PPIG: variants seen among roughly 807,000 people sequenced by gnomAD.
PPIG encodes the protein peptidyl-prolyl cis-trans isomerase G.
Under a neutral mutation model 87.9 loss-of-function variants are expected in PPIG, and 26 were observed. The observed-to-expected ratio is 0.30, with a 90% CI of 0.22 to 0.41. The LOEUF is 0.41. Ranked by LOEUF, PPIG falls within the 10% of genes least tolerant of loss-of-function variation. The pLI is 1.00. For synonymous variants in PPIG, 308 were observed against 276.5 expected (o/e 1.11, Z -1.13); for missense variants, 722 against 879.4 (o/e 0.82, Z 2.26).
chr2:169,629,630 G>A (rs2105517063), intron 9 of PPIG, among the ~76,000 whole-genome samples: 1 of 152,280 alleles, frequency 6.6e-6, no homozygotes, highest in South Asian at 2.1e-4. Context: ...ACTGTGTTAT[G>A]TAATGTTGAT....
chr2:169,625,443 A>G (rs1685858720), intron 9 of PPIG, among the ~76,000 whole-genome samples: 1 of 152,186 alleles, frequency 6.6e-6, no homozygotes, highest in African/African-American at 2.4e-5. Flanking sequence ...CCAGAATATA[A>G]GAGGATAAGT....
intron 7 of PPIG, among the ~76,000 whole-genome samples, chr2:169,611,256 AAG>A (rs889579769): frequency 6.6e-6 from 1 of 152,186 alleles, no homozygotes; most frequent in Non-Finnish European, 1.5e-5. Context: ...GAAAAAAAGA[AAG>A]AAAACACAGA....
intron 1 of PPIG, among the ~76,000 whole-genome samples, chr2:169,596,858 C>G (rs1000404371): frequency 6.6e-6 from 1 of 152,246 alleles, no homozygotes; most frequent in South Asian, 2.1e-4. Context: ...TGCGCCATTA[C>G]GCTCAGCTCA....
In PPIG at chr2:169,636,467, G is replaced by C. The variant is rs142265949; in HGVS notation, c.1209G>C (p.Glu403Asp). Residue 403 changes from glutamate to aspartate, a missense_variant, in exon 14 of 14, where the codon GAG becomes GAC. Glu to Asp is a conservative substitution (Grantham distance 45). Transcript: ENST00000260970. ...AGAGAAGTCCAGTTAGAGTAAAAGA[G>C]AGAAAAATAACAGATCACAGGAATG... is the stretch of plus-strand genomic sequence containing the variant. ...ENQRSPVRVK[E>D]RKITDHRNVS... 339 of 1,575,472 alleles carry C rather than the reference G, an allele frequency of 2.2e-4. No homozygotes were observed. Among genetic ancestry groups the C allele is most frequent in the Non-Finnish European group, 2.7e-4 (316 of 1,166,998 alleles).
At chr2:169,632,491 C>G (rs1210126530) in intron 11 of PPIG, among the ~76,000 whole-genome samples, 2 of 152,134 alleles carry the variant, frequency 1.3e-5, no homozygotes, top group East Asian at 3.9e-4. Flanking sequence ...CCTGTAATCC[C>G]AGCACTTTGG....
intron 4 of PPIG, 130 bp from the exon 5 acceptor site, chr2:169,605,909 A>G (rs536137594): frequency 1.5e-6 from 1 of 649,770 alleles, no homozygotes; most frequent in South Asian, 2.1e-5. Flanking sequence ...TTTAAAAAAA[A>G]ATTCCTGAAA....
chr2:169,631,972 A>T (rs1686066213), intron 11 of PPIG, 39 bp downstream of exon 11: 1 of 1,455,738 alleles, frequency 6.9e-7, no homozygotes, highest in Non-Finnish European at 9.2e-7. Context: ...ATGGTTTACC[A>T]TAGAACTTTT....
intron 7 of PPIG, among the ~76,000 whole-genome samples, chr2:169,609,798 C>T (rs1464792387): frequency 6.6e-6 from 1 of 152,084 alleles, no homozygotes; most frequent in African/African-American, 2.4e-5. Context: ...TAATGACTGA[C>T]CCAGGCAAGA....
intron 1 of PPIG, among the ~76,000 whole-genome samples, chr2:169,595,645 AGT>A (rs1684996193): frequency 6.6e-6 from 1 of 152,162 alleles, no homozygotes; most frequent in African/African-American, 2.4e-5. Flanking sequence ...CCCACAAATA[AGT>A]GAGAACATGT....
intron 1 of PPIG, among the ~76,000 whole-genome samples, chr2:169,587,732 C>A (rs1422569969): frequency 1.3e-5 from 2 of 152,190 alleles, no homozygotes; most frequent in Non-Finnish European, 2.9e-5. Flanking sequence ...GTTTGTACTT[C>A]TAGCAGCAGA....
At chr2:169,589,965 C>T (rs887339272) in intron 1 of PPIG, among the ~76,000 whole-genome samples, 21 of 151,768 alleles carry the variant, frequency 1.4e-4, no homozygotes, top group African/African-American at 1.2e-4. Flanking sequence ...CAAAATTAGC[C>T]GGGTGTGCTG....
At chr2:169,606,351 T>C (rs1217689807) in intron 5 of PPIG, among the ~76,000 whole-genome samples, 1 of 151,912 alleles carries the variant, frequency 6.6e-6, no homozygotes, top group Non-Finnish European at 1.5e-5. Flanking sequence ...CCCAGCACTT[T>C]GGGAGGCCGA....
At chr2:169,591,182 T>G (rs1474825383) in intron 1 of PPIG, among the ~76,000 whole-genome samples, 1 of 152,224 alleles carries the variant, frequency 6.6e-6, no homozygotes, top group Non-Finnish European at 1.5e-5. Flanking sequence ...TTGCCTATAT[T>G]TTTGTCCTGT....
intron 11 of PPIG, among the ~76,000 whole-genome samples, chr2:169,632,271 G>A (rs548932106): frequency 5.9e-5 from 9 of 152,270 alleles, no homozygotes; most frequent in African/African-American, 2.2e-4. Flanking sequence ...AAACTCTTAA[G>A]CAAGTAAGAA....
chr2:169,603,941 T>G (rs1417315862), intron 2 of PPIG, 85 bp from the exon 3 acceptor site: 1 of 992,340 alleles, frequency 1.0e-6, no homozygotes, highest in African/African-American at 1.6e-5. Flanking sequence ...TTTCTAATAT[T>G]GTTTCACAGA....
chr2:169,606,182 A>G (rs771026775), intron 5 of PPIG, 36 bp downstream of exon 5: 25 of 1,436,954 alleles, frequency 1.7e-5, no homozygotes, highest in Middle Eastern at 3.5e-4. Flanking sequence ...ATTTTCTGTT[A>G]AATATCACAG....
At chr2:169,596,564 C>G (rs867955582) in intron 1 of PPIG, among the ~76,000 whole-genome samples, 23 of 152,264 alleles carry the variant, frequency 1.5e-4, no homozygotes, top group African/African-American at 4.8e-4. Flanking sequence ...TTGTAACACT[C>G]AGCAGCCTGA....
At chr2:169,617,903 G>C (rs1259341502) in intron 9 of PPIG, among the ~76,000 whole-genome samples, 1 of 152,186 alleles carries the variant, frequency 6.6e-6, no homozygotes, top group Non-Finnish European at 1.5e-5. Flanking sequence ...GAATAGAAGA[G>C]GTGAGAGTGG....
At chr2:169,622,973 G>C (rs1488576715) in intron 9 of PPIG, among the ~76,000 whole-genome samples, 1 of 152,040 alleles carries the variant, frequency 6.6e-6, no homozygotes, top group South Asian at 2.1e-4. Flanking sequence ...AAAGACTTCT[G>C]AAGAAATCTG....
Sources: allele counts gnomAD v4.1 joint callset (sites outside exome capture counted in the v4.1 genomes callset), GRCh38; gene constraint gnomAD v4.1.1; transcripts MANE v1.5; gene names NCBI Gene and HGNC (gene_info 2026-07-23, HGNC 2026-07-21).